Variants in CHIC2 observed in about 807,000 individuals in gnomAD.
CHIC2 encodes the protein cysteine rich hydrophobic domain 2.
Under a neutral mutation model 25.9 loss-of-function variants are expected in CHIC2, and 14 were observed. The ratio of observed to expected loss-of-function variants is 0.54; its 90% CI spans 0.36 to 0.85. The LOEUF is 0.85. CHIC2 is among the 40% of genes least tolerant of loss of function. CHIC2 has a pLI of 0.01. For missense variants in CHIC2, 146 were observed against 202.0 expected, an observed-to-expected ratio of 0.72 and a Z score of 1.68; for synonymous variants, 70 against 72.0, an observed-to-expected ratio of 0.97 and a Z score of 0.14.
chr4:54,039,746 T>C (rs561915133), intron 3 of CHIC2, among the ~76,000 whole-genome samples: 3 of 152,310 alleles, frequency 2.0e-5, no homozygotes, highest in South Asian at 4.1e-4. Flanking sequence ...AAAACATGCA[T>C]GTGAATGTTT....
chr4:54,090,581 G>A, the CHIC2 span, among the ~76,000 whole-genome samples: 3 of 152,148 alleles, frequency 2.0e-5, no homozygotes, highest in Non-Finnish European at 4.4e-5. Context: ...CTCAGGGAAC[G>A]TCATCACACA....
chr4:54,010,119 C>G lies in CHIC2; in HGVS notation c.474G>C (p.Lys158Asn). The G allele has an allele frequency of 6.2e-7, 1 of 1,607,454 alleles. No individual in the cohort carries two copies. Among genetic ancestry groups the G allele is most frequent in the Non-Finnish European group, 8.5e-7 (1 of 1,174,720 alleles). The change falls in exon 6 of 6, where the codon AAG becomes AAC. Residue 158 changes from lysine to asparagine, a missense_variant. Coordinates refer to ENST00000263921, the MANE Select transcript of CHIC2 (RefSeq NM_012110.4). ...EYVILIEFLP[K>N]TPIFRPD ...GCTAATCTGGTCGAAAAATCGGTGT[C>G]TTTGGTAAAAATTCTATGAGGATGA... is the stretch of plus-strand genomic sequence containing the variant.
the CHIC2 span, among the ~76,000 whole-genome samples, chr4:54,088,800 G>A: frequency 2.0e-5 from 3 of 152,324 alleles, no homozygotes; most frequent in South Asian, 6.2e-4. Context: ...AGTAGTTGGA[G>A]TGTTAAGAAG....
At chr4:54,013,084 T>C (rs1715639944) in intron 5 of CHIC2, among the ~76,000 whole-genome samples, 1 of 152,118 alleles carries the variant, frequency 6.6e-6, no homozygotes, top group South Asian at 2.1e-4. Flanking sequence ...CCTTAGATCT[T>C]TTCTTTTAAA....
At chr4:54,030,269 G>C (rs1443757789) in intron 3 of CHIC2, among the ~76,000 whole-genome samples, 1 of 152,052 alleles carries the variant, frequency 6.6e-6, no homozygotes, top group Non-Finnish European at 1.5e-5. Context: ...TGTAATCCCA[G>C]CACTTTGGGA....
intron 3 of CHIC2, among the ~76,000 whole-genome samples, chr4:54,020,652 G>C (rs896160656): frequency 1.1e-4 from 17 of 152,036 alleles, no homozygotes; most frequent in African/African-American, 4.1e-4. Flanking sequence ...TTTCAAATCG[G>C]GTAAGCGGTC....
intron 3 of CHIC2, among the ~76,000 whole-genome samples, chr4:54,018,864 C>T (rs1028299601): frequency 2.6e-5 from 4 of 151,908 alleles, no homozygotes; most frequent in Non-Finnish European, 5.9e-5. Context: ...AGCAAAATTT[C>T]AAATGTTCAA....
rs371037012 is a variant in CHIC2, at chr4:54,064,321, T to C, written c.-21A>G. ...GCCATCCTGAGCCTCCGAGCTCCCC[T>C]GCCCAAAGGGCCTGACTCCCGGGGT... On this transcript the variant is annotated 5_prime_UTR_variant, in exon 1 of 6. Coordinates refer to ENST00000263921, the MANE Select transcript of CHIC2 (RefSeq NM_012110.4). The surrounding 1 kb of genome is among the most constrained non-coding windows in gnomAD (Gnocchi z 4.2). 53 of 1,612,694 alleles carry C rather than the reference T, an allele frequency of 3.3e-5. No homozygotes were observed. Among genetic ancestry groups the C allele is most frequent in the Non-Finnish European group, 4.2e-5 (50 of 1,179,366 alleles).
At chr4:54,061,795 T>C (rs1717340792) in intron 1 of CHIC2, among the ~76,000 whole-genome samples, 1 of 152,152 alleles carries the variant, frequency 6.6e-6, no homozygotes, top group African/African-American at 2.4e-5. Flanking sequence ...GGTTAAGTTT[T>C]CAATGCAGAA....
At chr4:54,035,210 A>G (rs1041273915) in intron 3 of CHIC2, among the ~76,000 whole-genome samples, 3 of 152,124 alleles carry the variant, frequency 2.0e-5, no homozygotes, top group Non-Finnish European at 2.9e-5. Context: ...TTCTTTTAGA[A>G]TATCTCTGTC....
the CHIC2 span, among the ~76,000 whole-genome samples, chr4:54,080,162 G>GTA: frequency 0.15 from 22,098 of 146,392 alleles, 1,672 homozygotes; most frequent in South Asian, 0.19. Context: ...ATATGTATGT[G>GTA]TATATATATA....
chr4:54,082,928 C>G, the CHIC2 span, among the ~76,000 whole-genome samples: 1 of 151,606 alleles, frequency 6.6e-6, no homozygotes, highest in Non-Finnish European at 1.5e-5. Flanking sequence ...AATTTCATCT[C>G]ATCATATTGC....
At chr4:54,061,680 T>C (rs923791531) in intron 1 of CHIC2, among the ~76,000 whole-genome samples, 3 of 152,144 alleles carry the variant, frequency 2.0e-5, no homozygotes, top group African/African-American at 7.2e-5. Context: ...AGATGTTAAC[T>C]GGGCTACCCA....
chr4:54,084,980 A>AAAAAAAAAAAAAAAAAAAAAAAC, the CHIC2 span, among the ~76,000 whole-genome samples: 1 of 150,958 alleles, frequency 6.6e-6, no homozygotes. Flanking sequence ...AAAAAAAAAA[A>AAAAAAAAAAAAAAAAAAAAAAAC]ATCAAACAGG....
At chr4:54,079,821 A>G in the CHIC2 span, among the ~76,000 whole-genome samples, 6 of 152,190 alleles carry the variant, frequency 3.9e-5, no homozygotes, top group Admixed American at 3.3e-4. Flanking sequence ...TTAAAATAGA[A>G]TGGCTATTAT....
chr4:54,046,514 T>C (rs1306634044), intron 3 of CHIC2, among the ~76,000 whole-genome samples: 5 of 152,194 alleles, frequency 3.3e-5, no homozygotes, highest in African/African-American at 1.2e-4. Flanking sequence ...AACTATCTGA[T>C]CTTTGACAAA....
chr4:54,036,236 G>C (rs903733210), intron 3 of CHIC2, among the ~76,000 whole-genome samples: 6 of 152,144 alleles, frequency 3.9e-5, no homozygotes, highest in African/African-American at 1.4e-4. Context: ...GGGATTTTCT[G>C]TCTACTAGTT....
chr4:54,015,965 G>T (rs1008481776), intron 3 of CHIC2, among the ~76,000 whole-genome samples: 2 of 152,188 alleles, frequency 1.3e-5, no homozygotes, highest in African/African-American at 4.8e-5. Context: ...GTTCTACTCT[G>T]AGCAGGCATC....
intron 3 of CHIC2, among the ~76,000 whole-genome samples, chr4:54,047,928 C>G (rs1458395401): frequency 1.3e-5 from 2 of 151,720 alleles, no homozygotes; most frequent in Non-Finnish European, 2.9e-5. Context: ...AAAATTTTAA[C>G]AAGAATATAA....
Sources: gnomAD v4.1 joint callset for allele counts (sites outside exome capture counted in the v4.1 genomes callset) on GRCh38, gnomAD v4.1.1 for gene constraint, Gnocchi (gnomAD v3.1) non-coding constraint, MANE v1.5 for transcripts, NCBI Gene and HGNC (gene_info 2026-07-23, HGNC 2026-07-21) for gene names.